Variants in PCDHGA3 observed in about 807,000 individuals in gnomAD.
PCDHGA3 encodes protocadherin gamma subfamily A, 3.
In PCDHGA3, 40 loss-of-function variants were observed where a neutral mutation model predicts 58.5. The ratio of observed to expected loss-of-function variants is 0.68; its 90% CI spans 0.53 to 0.89. The LOEUF (loss-of-function observed/expected upper bound fraction) is 0.89, where lower values mean the gene tolerates loss of function less well. Among genes scored for constraint, PCDHGA3 ranks in the 40% least tolerant of loss-of-function variants. PCDHGA3 has a pLI of 0.00. For missense variants in PCDHGA3, 1,223 were observed against 1,195.9 expected (o/e 1.02, Z -0.33); for synonymous variants, 530 against 525.7 (o/e 1.01, Z -0.11).
At chr5:141,371,373 C>T in intron 1 of PCDHGA3, 1 of 1,613,972 alleles carries the variant, frequency 6.2e-7, no homozygotes, top group Non-Finnish European at 8.5e-7. Context: ...TGGTGGACAT[C>T]ACACTGCATA....
chr5:141,498,971 G>GGGAAGGAAGGAAGGAAGGAA (rs201769957), intron 2 of PCDHGA3, among the ~76,000 whole-genome samples: 36 of 111,052 alleles, frequency 3.2e-4, no homozygotes, highest in African/African-American at 9.0e-4. Context: ...GAGGGAGGGA[G>GGGAAGGAAGGAAGGAAGGAA]GGAAGGAAGG....
At position 141,489,244 on chromosome 5, in the gene PCDHGA3, G is replaced by C. The variant is rs145484133; in HGVS notation, c.2425-5563G>C. The C allele has an allele frequency of 3.3e-6, 5 of 1,534,936 alleles. No homozygotes were observed. Among genetic ancestry groups the C allele is most frequent in the African/African-American group, 1.4e-5 (1 of 72,374 alleles). On this transcript the variant is annotated intron_variant, in intron 1 of 3. Transcript: ENST00000253812. This position sits in a 1 kb window ranked among gnomAD's most constrained non-coding sequence, Gnocchi z 4.5. ...TCCACAAAGGGACTTCTGGGTCATGGGGCCCAAGACACTCCCACAGCTCGC... is the reference window on the plus strand; with the variant it reads ...TCCACAAAGGGACTTCTGGGTCATGCGGCCCAAGACACTCCCACAGCTCGC...
At chr5:141,401,835 T>C (rs983491795) in intron 1 of PCDHGA3, among the ~76,000 whole-genome samples, 2 of 152,326 alleles carry the variant, frequency 1.3e-5, no homozygotes, top group South Asian at 4.1e-4. Context: ...AGATTTCTTA[T>C]AATACCACTT....
At chr5:141,354,835 T>A (rs1222871147) in intron 1 of PCDHGA3, among the ~76,000 whole-genome samples, 1 of 152,226 alleles carries the variant, frequency 6.6e-6, no homozygotes, top group Non-Finnish European at 1.5e-5. Context: ...AAGACTTGGA[T>A]CATTCTTGAA....
chr5:141,414,009 TGGA>T (rs2095701451), intron 1 of PCDHGA3: 2 of 1,612,964 alleles, frequency 1.2e-6, no homozygotes, highest in Middle Eastern at 1.7e-4. Context: ...AAGGTGCCAA[TGGA>T]GAAGTGACAT....
chr5:141,449,588 CAAA>C (rs768743917), intron 1 of PCDHGA3, among the ~76,000 whole-genome samples: 1 of 57,486 alleles, frequency 1.7e-5, no homozygotes, highest in Non-Finnish European at 3.7e-5. Context: ...GACTCTGTCT[CAAA>C]AAAAAAAAAA....
At chr5:141,366,466 G>A in intron 1 of PCDHGA3, 1 of 1,614,228 alleles carries the variant, frequency 6.2e-7, no homozygotes, top group Non-Finnish European at 8.5e-7. Context: ...TCGTGCTGCT[G>A]GTGCTCAGAC....
At position 141,491,910 on chromosome 5, in the gene PCDHGA3, G is replaced by T. The variant is rs946745903; in HGVS notation, c.2425-2897G>T. On this transcript the variant is annotated intron_variant, in intron 1 of 3. Coordinates refer to ENST00000253812, the MANE Select transcript of PCDHGA3 (RefSeq NM_018916.4). This position sits in a 1 kb window ranked among gnomAD's most constrained non-coding sequence, Gnocchi z 6.9. ...GGCTCCGAGCACCGGGGGTGGTGGC[G>T]ACTGTGGGCGAGGGGAGGTGGGACC... 3.6e-6 allele frequency: 5 copies of T among 1,406,946 alleles called. No individual in the cohort carries two copies. Among genetic ancestry groups the T allele is most frequent in the Non-Finnish European group, 4.7e-6 (5 of 1,059,702 alleles). 87.2% of individuals were successfully genotyped at this position (1,406,946 alleles called of 1,614,324 possible).
chr5:141,420,458 C>A, intron 1 of PCDHGA3: 3 of 925,194 alleles, frequency 3.2e-6, no homozygotes, highest in Non-Finnish European at 2.9e-6. Context: ...TCCTACTATT[C>A]AAAGACATTT....
chr5:141,350,914 T>C, intron 1 of PCDHGA3: 1 of 1,614,086 alleles, frequency 6.2e-7, no homozygotes, highest in South Asian at 1.1e-5. Context: ...GGGACCCGCC[T>C]CTAAGCGGCA....
intron 1 of PCDHGA3, among the ~76,000 whole-genome samples, chr5:141,482,412 T>C (rs2099559037): frequency 6.6e-6 from 1 of 151,636 alleles, no homozygotes; most frequent in Non-Finnish European, 1.5e-5. Context: ...TAACTATTTG[T>C]TGAACTAAAA....
chr5:141,346,662 A>G (rs1757790010), intron 1 of PCDHGA3: 3 of 736,898 alleles, frequency 4.1e-6, no homozygotes, highest in Non-Finnish European at 6.6e-6. Context: ...GGGAAAAAAT[A>G]ATACATCGTG....
At chr5:141,375,657 TGA>T in intron 1 of PCDHGA3, 1 of 1,614,192 alleles carries the variant, frequency 6.2e-7, no homozygotes, top group Non-Finnish European at 8.5e-7. Flanking sequence ...TATGAGCAGT[TGA>T]GAGACCTACA....
chr5:141,400,120 C>G, intron 1 of PCDHGA3: 1 of 1,614,076 alleles, frequency 6.2e-7, no homozygotes, highest in Non-Finnish European at 8.5e-7. Context: ...TGACAGCTTG[C>G]AGGAGGTGCT....
chr5:141,415,585 C>G (rs1589974529), intron 1 of PCDHGA3: 5 of 1,613,900 alleles, frequency 3.1e-6, no homozygotes, highest in Non-Finnish European at 3.4e-6. Context: ...TTCGAAGTTT[C>G]CTATAGAGGA....
Position 141,485,943 on chromosome 5 carries a change from C to CG in PCDHGA3, c.2425-8861dup, listed in dbSNP as rs1562109052. ...ATTAGTGTGTTGGAGAGCGCACCAG[C>CG]GGGCATGGTGCTCATCCAGCTCAAT... On this transcript the variant is annotated intron_variant, in intron 1 of 3. Coordinates refer to ENST00000253812, the MANE Select transcript of PCDHGA3 (RefSeq NM_018916.4). The surrounding 1 kb of genome is among the most constrained non-coding windows in gnomAD (Gnocchi z 5.7). The CG allele has an allele frequency of 1.2e-6, 2 of 1,614,126 alleles. No individual in the cohort carries two copies. Among genetic ancestry groups the CG allele is most frequent in the Non-Finnish European group, 1.7e-6 (2 of 1,180,012 alleles).
At chr5:141,421,169 T>G in intron 1 of PCDHGA3, 2 of 1,340,600 alleles carry the variant, frequency 1.5e-6, no homozygotes, top group South Asian at 1.5e-5. Flanking sequence ...CATAGATACA[T>G]AAGCCGATTC....
chr5:141,507,487 G>A (rs889348168), intron 3 of PCDHGA3, among the ~76,000 whole-genome samples: 1 of 152,204 alleles, frequency 6.6e-6, no homozygotes, highest in African/African-American at 2.4e-5. Context: ...GCCTCCTGAG[G>A]CAGAGCTGTC....
At chr5:141,421,972 C>T (rs764728654) in intron 1 of PCDHGA3, 2 of 1,609,892 alleles carry the variant, frequency 1.2e-6, no homozygotes, top group African/African-American at 2.7e-5. Context: ...GTCCGTATAT[C>T]GCGTGAGTGT....
Sources: gnomAD v4.1 joint callset for allele counts (sites outside exome capture counted in the v4.1 genomes callset) on GRCh38, gnomAD v4.1.1 for gene constraint, Gnocchi (gnomAD v3.1) non-coding constraint, MANE v1.5 for transcripts, NCBI Gene and HGNC (gene_info 2026-07-23, HGNC 2026-07-21) for gene names.